Variants in CIC observed in about 807,000 individuals in gnomAD.
CIC encodes capicua transcriptional repressor, also known as protein capicua homolog.
CIC carries 18 observed loss-of-function variants against 115.7 expected under a neutral mutation model. The ratio of observed to expected loss-of-function variants is 0.16; its 90% CI spans 0.11 to 0.23. The LOEUF is 0.23. CIC is among the 10% of genes least tolerant of loss of function. The probability of loss-of-function intolerance (pLI) is 1.00; values close to 1 mark genes in which losing one functional copy is unlikely to be tolerated. For missense variants in CIC, 2,000 were observed against 2,159.3 expected, an observed-to-expected ratio of 0.93 and a Z score of 1.46; for synonymous variants, 1,076 against 923.0, an observed-to-expected ratio of 1.17 and a Z score of -3.01.
intron 2 of CIC, chr19:42,284,390 G>C (rs1196905363): frequency 6.8e-6 from 1 of 146,286 alleles, no homozygotes; most frequent in Non-Finnish European, 1.5e-5. Flanking sequence ...AGAGGGAGGG[G>C]GCGGTGCCGA....
rs1391296321 is a variant in CIC at position 42,273,942 on chromosome 19, C to T, written c.2159C>T (p.Pro720Leu). 5.0e-6 allele frequency: 2 copies of T among 398,656 alleles called. No individual in the cohort carries two copies. Among genetic ancestry groups the T allele is most frequent in the East Asian group, 3.6e-5 (1 of 28,078 alleles). The allele number at this position is 398,656 out of a possible 1,614,324, so 24.7% of individuals were successfully genotyped here. ...SPGRRKTELLPHPGALGAPGA... is the reference protein window; with the variant it reads ...SPGRRKTELLLHPGALGAPGA... ...GGGCGACGGAAGACAGAGCTGTTGC[C>T]GCATCCAGGGGCCTTGGGGGCCCCT... The change falls in exon 2 of 21, where the codon CCG becomes CTG. Residue 720 changes from proline to leucine, a missense_variant. By Grantham distance (98) the Pro-to-Leu change is moderately conservative. Transcript: ENST00000681038.
At chr19:42,284,328 C>CGCCCCGCCT (rs561141658) in intron 2 of CIC, 6,543 of 144,524 alleles carry the variant, frequency 0.045, 228 homozygotes, top group South Asian at 0.14. Context: ...CGTCGCGCCC[C>CGCCCCGCCT]GCCCCGCCTG....
rs1002139657 is a variant in CIC, at chr19:42,272,798, C to T, written c.1015C>T (p.Leu339=). ...GGTGGCCCGCTCCAGCCTACGCCTG[C>T]TGCGCCCCCCCTGGGAACCTGAGAC... ...VWVARSSLRL[L]RPPWEPETML... The change falls in exon 2 of 21, where the codon CTG becomes TTG. Residue 339 remains leucine (L), a synonymous_variant. Transcript: ENST00000681038. 6 of 398,808 alleles carry T rather than the reference C, an allele frequency of 1.5e-5. No individual in the cohort carries two copies. Among genetic ancestry groups the T allele is most frequent in the African/African-American group, 8.2e-5 (4 of 48,642 alleles). The allele number at this position is 398,808 out of a possible 1,614,324, so 24.7% of individuals were successfully genotyped here.
In CIC at chr19:42,293,029, G is replaced by A; in HGVS notation, c.6270G>A (p.Lys2090=). 6.2e-7 allele frequency: 1 copy of A among 1,613,244 alleles called. No homozygotes were observed. The highest frequency in any genetic ancestry group is 1.7e-5 in the Admixed American group (1 of 60,016). Residue 2090 remains lysine, a synonymous_variant, in exon 16 of 21, where the codon AAG becomes AAA. Transcript: ENST00000681038. ...RPSPKAPQKV[K]AAIASIPVGS... Reference sequence around the variant, plus strand: ...GCCCGAAGGCCCCCCAGAAAGTGAAGGCAGCCATCGCCAGCATTCCCGTGG... The same window carrying A: ...GCCCGAAGGCCCCCCAGAAAGTGAAAGCAGCCATCGCCAGCATTCCCGTGG...
At chr19:42,290,019 C>T in intron 10 of CIC, 68 bp downstream of exon 10, 1 of 1,475,772 alleles carries the variant, frequency 6.8e-7, no homozygotes. Flanking sequence ...TCTGTTTCTC[C>T]CGGGCTTGAG....
At chr19:42,285,510 C>T (rs1052781669) in intron 2 of CIC, among the ~76,000 whole-genome samples, 1 of 152,160 alleles carries the variant, frequency 6.6e-6, no homozygotes, top group Non-Finnish European at 1.5e-5. Flanking sequence ...CTACTTTTTC[C>T]TTTGTCAGCC....
Position 42,288,870 on chromosome 19 carries a change from C to T in CIC, c.3659-18C>T. ...GACAGGCTTACTGACTGTCATAGCG[C>T]CACTCTCTACTTTACAGTGTCCTCT... On this transcript the variant is annotated intron_variant, in intron 7 of 20. Coordinates refer to ENST00000681038, the MANE Select transcript of CIC (RefSeq NM_001386298.1). 6.2e-7 allele frequency: 1 copy of T among 1,612,194 alleles called. No individual in the cohort carries two copies. Among genetic ancestry groups the T allele is most frequent in the East Asian group, 2.2e-5 (1 of 44,880 alleles).
rs777940595 is a variant in CIC at position 42,290,977 on chromosome 19, G to T, written c.4936G>T (p.Ala1646Ser). The T allele has an allele frequency of 1.7e-5, 27 of 1,613,692 alleles. No homozygotes were observed. The highest frequency in any genetic ancestry group is 2.7e-5 in the African/African-American group (2 of 74,936). Residue 1646 changes from alanine (A) to serine (S), a missense_variant, in exon 11 of 21, where the codon GCC becomes TCC. This residue lies in a region of CIC where 1,466 missense variants were observed against 1,390.4 expected (regional missense o/e 1.05). Transcript: ENST00000681038. ...GTATTCGGACAAGAAGTCGGCAGCA[G>T]CCACCTCACCAGCCCCACACTTGGT... ...LVYSDKKSAA[A>S]TSPAPHLVAG...
At chr19:42,276,253 GT>G (rs1041257313) in intron 2 of CIC, among the ~76,000 whole-genome samples, 2 of 152,234 alleles carry the variant, frequency 1.3e-5, no homozygotes, top group African/African-American at 4.8e-5. Context: ...TGTTGGGGAT[GT>G]GTGGCTGGAT....
At chr19:42,291,873 G>A in intron 12 of CIC, 128 bp downstream of exon 12, 1 of 1,340,622 alleles carries the variant, frequency 7.5e-7, no homozygotes, top group Non-Finnish European at 1.1e-6. Flanking sequence ...CTTCCGTGAT[G>A]TCTCTGTGCA....
chr19:42,289,048 C>A lies in CIC; in HGVS notation c.3819C>A (p.Asp1273Glu), dbSNP rs747213131. ...AFSHSGVHSL[D>E]GGEVDSQALQ... ...CCCACAGCGGGGTACACAGCCTGGA[C>A]GGCGGAGAAGTAGACAGTCAGGCGC... Residue 1273 changes from aspartate to glutamate, a missense_variant, in exon 8 of 21, where the codon GAC (aspartate) becomes GAA (glutamate). By Grantham distance (45) the Asp-to-Glu change is conservative (BLOSUM62 2). Transcript: ENST00000681038. The A allele has an allele frequency of 6.2e-7, 1 of 1,613,682 alleles. No homozygotes were observed. The highest frequency in any genetic ancestry group is 8.5e-7 in the Non-Finnish European group (1 of 1,180,036).
At position 42,270,917 on chromosome 19, in the gene CIC, A is replaced by G. The variant is rs1225335726; in HGVS notation, c.-10-857A>G. On this transcript the variant is annotated intron_variant, in intron 1 of 20. Coordinates refer to ENST00000681038, the MANE Select transcript of CIC (RefSeq NM_001386298.1). The surrounding 1 kb of genome is among the most constrained non-coding windows in gnomAD (Gnocchi z 4.1). Reference sequence around the variant, plus strand: ...AGTGCTGGGTATGAGCTCTTGCCCCAGACATGCCCCTGCCTGCTCCCTGCC... The same window carrying G: ...AGTGCTGGGTATGAGCTCTTGCCCCGGACATGCCCCTGCCTGCTCCCTGCC... 6.6e-6 allele frequency among the ~76,000 whole-genome samples: 1 copy of G among 152,130 alleles called. No individual in the cohort carries two copies. Among genetic ancestry groups the G allele is most frequent in the Non-Finnish European group, 1.5e-5 (1 of 68,010 alleles).
rs1256187477 is a variant in CIC, at chr19:42,289,098, G to C, written c.3861+8G>C. 1.9e-6 allele frequency: 3 copies of C among 1,613,530 alleles called. No homozygotes were observed. In the African/African-American group the frequency reaches 4.0e-5, roughly 21 times the overall value. On this transcript the variant is annotated splice_region_variant and intron_variant, in intron 8 of 20. Transcript: ENST00000681038. ...CTACAGGAACTGACGCAGGTCTAGGGTGCAGGCCCCCTAGTGGGGGTGGGC... is the reference window on the plus strand; with the variant it reads ...CTACAGGAACTGACGCAGGTCTAGGCTGCAGGCCCCCTAGTGGGGGTGGGC...
rs1308424265 is a variant in CIC, at chr19:42,294,276, G to A, written c.7026G>A (p.Glu2342=). The change falls in exon 19 of 21, where the codon GAG becomes GAA. Residue 2342 remains glutamate, a synonymous_variant. Coordinates refer to ENST00000681038, the MANE Select transcript of CIC (RefSeq NM_001386298.1). The stretch of plus-strand genomic sequence containing the variant: ...ACACCCCCAAGAGTGCCAAGTGCGA[G>A]GGGGACATCTTCACCTTTGACCGTA... ...EPNTPKSAKC[E]GDIFTFDRTG... 6 of 1,613,544 alleles carry A rather than the reference G, an allele frequency of 3.7e-6. No individual in the cohort carries two copies. The highest frequency in any genetic ancestry group is 4.2e-6 in the Non-Finnish European group (5 of 1,180,040).
In CIC at chr19:42,290,219, T is replaced by C. The variant is rs2037974036; in HGVS notation, c.4192-14T>C. On this transcript the variant is annotated splice_polypyrimidine_tract_variant and intron_variant, in intron 10 of 20. Transcript: ENST00000681038. ...AGTGTCCTGACCTGGGGTGTCTCCC[T>C]TCCTTTCATGCAGGGCTTTGGTCGG... 6.2e-7 allele frequency: 1 copy of C among 1,613,930 alleles called. No individual in the cohort carries two copies. The highest frequency in any genetic ancestry group is 1.7e-5 in the Admixed American group (1 of 59,996).
At chr19:42,271,039 G>C in intron 1 of CIC, among the ~76,000 whole-genome samples, 1 of 150,558 alleles carries the variant, frequency 6.6e-6, no homozygotes, top group Admixed American at 6.6e-5. Flanking sequence ...TCTTCCCACA[G>C]TGCCTGGCCA....
chr19:42,293,405 C>G, intron 16 of CIC, 124 bp downstream of exon 16: 2 of 1,340,926 alleles, frequency 1.5e-6, no homozygotes, highest in South Asian at 1.3e-5. Context: ...AGGGTCCCCT[C>G]TGTCCCTTCT....
chr19:42,290,581 A>G lies in CIC; in HGVS notation c.4540A>G (p.Ser1514Gly). The G allele has an allele frequency of 6.2e-7, 1 of 1,613,718 alleles. No homozygotes were observed. The highest frequency in any genetic ancestry group is 8.5e-7 in the Non-Finnish European group (1 of 1,179,936). The stretch of plus-strand genomic sequence containing the variant: ...CACCTTCCGGCGCAAGAGACCCGAA[A>G]GTGTGGGTGGCCTGGAGCCACCAGG... Reference protein sequence around the residue: ...PATFRRKRPESVGGLEPPGPS... With the variant: ...PATFRRKRPEGVGGLEPPGPS... Residue 1514 changes from serine (S) to glycine (G), a missense_variant, in exon 11 of 21, where the codon AGT (serine) becomes GGT (glycine). Ser to Gly is a moderately conservative substitution (Grantham distance 56). Coordinates refer to ENST00000681038, the MANE Select transcript of CIC (RefSeq NM_001386298.1).
At chr19:42,269,610 T>A (rs1390589252) in intron 1 of CIC, among the ~76,000 whole-genome samples, 5 of 149,742 alleles carry the variant, frequency 3.3e-5, no homozygotes, top group African/African-American at 4.9e-5. Context: ...GTGACAGGAC[T>A]AGATCAGGGT....
Sources: allele counts gnomAD v4.1 joint callset (sites outside exome capture counted in the v4.1 genomes callset), GRCh38; gene constraint gnomAD v4.1.1; regional missense constraint gnomAD v4.1.1; non-coding constraint Gnocchi (gnomAD v3.1); transcripts MANE v1.5; gene names NCBI Gene and HGNC (gene_info 2026-07-23, HGNC 2026-07-21).